TMC6: variants seen among roughly 807,000 people sequenced by gnomAD.
The protein encoded by TMC6 is transmembrane channel-like protein 6.
A neutral mutation model predicts 95.4 loss-of-function variants in TMC6; 71 were observed. The observed-to-expected ratio is 0.74, with a 90% CI of 0.61 to 0.91. The LOEUF (loss-of-function observed/expected upper bound fraction) is 0.91, where lower values mean the gene tolerates loss of function less well. Ranked by LOEUF, TMC6 falls within the 40% of genes least tolerant of loss-of-function variation. The pLI is 0.00. For missense variants in TMC6, 1,074 were observed against 1,079.1 expected (o/e 1.00, Z 0.07); for synonymous variants, 514 against 483.1 (o/e 1.06, Z -0.84).
chr17:78,117,881 T>A lies in TMC6; in HGVS notation c.1942A>T (p.Met648Leu). 1 of 1,607,284 alleles carries A rather than the reference T, an allele frequency of 6.2e-7. No individual in the cohort carries two copies. The highest frequency in any genetic ancestry group is 1.7e-5 in the Admixed American group (1 of 59,080). Residue 648 changes from methionine (M) to leucine (L), a missense_variant, in exon 16 of 20, where the codon ATG becomes TTG. Met to Leu is a conservative substitution (Grantham distance 15, BLOSUM62 2). Transcript: ENST00000590602. ...AGCAGCGTGAGGAAGACGGTGCTCA[T>A]GTGTGAGGCCAGCCAGGGCCGGCGC... ...APRRPWLASH[M>L]STVFLTLLCF...
In TMC6 at chr17:78,112,531, A is replaced by G. The variant is rs73999639; in HGVS notation, c.*617T>C. ...TCGCCTCCAAGCACAGGTGCTGGTT[A>G]CCTATGCCTGGGAGGCAACTGTCCC... On this transcript the variant is annotated 3_prime_UTR_variant, in exon 20 of 20. Coordinates refer to ENST00000590602, the MANE Select transcript of TMC6 (RefSeq NM_001127198.5). 8.9e-3 allele frequency: 1,452 copies of G among 162,344 alleles called. 26 individuals are homozygous for G. Among genetic ancestry groups the G allele is most frequent in the African/African-American group, 0.032 (1,341 of 41,652 alleles). The allele number at this position is 162,344 out of a possible 1,614,324, so 10.1% of individuals were successfully genotyped here.
At position 78,121,075 on chromosome 17, in the gene TMC6, A is replaced by T. The variant is rs761481953; in HGVS notation, c.1473T>A (p.Arg491=). 5 of 1,612,964 alleles carry T rather than the reference A, an allele frequency of 3.1e-6. No individual in the cohort carries two copies. Among genetic ancestry groups the T allele is most frequent in the African/African-American group, 1.3e-5 (1 of 74,906 alleles). ...CATGCGGCTCCAGGGCGGCCAGGACACGGCACAGGTAGGGGGCCCCCAGGT... is the reference window on the plus strand; with the variant it reads ...CATGCGGCTCCAGGGCGGCCAGGACTCGGCACAGGTAGGGGGCCCCCAGGT... The part of the protein sequence containing the change: ...LLNLGAPYLC[R]VLAALEPHDS... Residue 491 remains arginine (R), a synonymous_variant, in exon 12 of 20, where the codon CGT becomes CGA. Coordinates refer to ENST00000590602, the MANE Select transcript of TMC6 (RefSeq NM_001127198.5). The surrounding 1 kb of genome is among the most constrained non-coding windows in gnomAD (Gnocchi z 5.6).
At position 78,112,931 on chromosome 17, in the gene TMC6, C is replaced by T; in HGVS notation, c.*217G>A. ...CCAAGGGACAAGCCCATTTGCAAAA[C>T]CCCTTTAATCAGAATAAATAGAGTC... On this transcript the variant is annotated 3_prime_UTR_variant, in exon 20 of 20. Transcript: ENST00000590602. The T allele has an allele frequency of 1.7e-6, 1 of 587,322 alleles. No homozygotes were observed. The highest frequency in any genetic ancestry group is 3.0e-6 in the Non-Finnish European group (1 of 333,566). 36.4% of individuals were successfully genotyped at this position (587,322 alleles called of 1,614,324 possible). A position where few individuals can be genotyped will look rare whatever the true frequency, so the allele number is the denominator to read the frequency against.
rs1294864057 is a variant in TMC6, at chr17:78,125,259, C to G, written c.435G>C (p.Lys145Asn). 36 of 1,569,276 alleles carry G rather than the reference C, an allele frequency of 2.3e-5. No homozygotes were observed. Among genetic ancestry groups the G allele is most frequent in the Non-Finnish European group, 3.0e-5 (35 of 1,156,592 alleles). The change falls in exon 6 of 20, where the codon AAG becomes AAC. Residue 145 changes from lysine to asparagine, a missense_variant. Coordinates refer to ENST00000590602, the MANE Select transcript of TMC6 (RefSeq NM_001127198.5). ...GGAGCTCCTTCACCAGGAGGCTCTG[C>G]TTCTCTGCGAGAGGGAGAGGGAGGT... Reference protein sequence around the residue: ...LDPTALEEEEKQSLLVKELQS... With the variant: ...LDPTALEEEENQSLLVKELQS...
chr17:78,115,519 C>T (rs2074027312), intron 18 of TMC6, among the ~76,000 whole-genome samples: 1 of 152,148 alleles, frequency 6.6e-6, no homozygotes, highest in South Asian at 2.1e-4. Flanking sequence ...GGGGAGGGGC[C>T]TCGGGGAGGA....
Position 78,109,662 on chromosome 17 carries a change from A to G in TMC6, c.*3486T>C. On this transcript the variant is annotated 3_prime_UTR_variant, in exon 20 of 20. Coordinates refer to ENST00000590602, the MANE Select transcript of TMC6 (RefSeq NM_001127198.5). ...AGAAGCACATTTCCGAAGCCCCCCA[A>G]GCCCACGGGCGTGAGTGCATGCATG... 1 of 424,530 alleles carries G rather than the reference A, an allele frequency of 2.4e-6. No individual in the cohort carries two copies. Among genetic ancestry groups the G allele is most frequent in the Non-Finnish European group, 4.8e-6 (1 of 209,938 alleles). 26.3% of individuals were successfully genotyped at this position (424,530 alleles called of 1,614,324 possible). A position where few individuals can be genotyped will look rare whatever the true frequency, so the allele number is the denominator to read the frequency against.
At chr17:78,131,830 G>T, upstream of TMC6, 1 of 1,490,244 alleles carries the variant, frequency 6.7e-7, no homozygotes, top group Non-Finnish European at 8.9e-7. Context: ...TGCTTGGCCC[G>T]GGTGGGCAGG....
In TMC6 at chr17:78,117,867, G is replaced by T; in HGVS notation, c.1956C>A (p.Phe652Leu). ...AGGCGGGGAAGCAGAGCAGCGTGAG[G>T]AAGACGGTGCTCATGTGTGAGGCCA... is the stretch of plus-strand genomic sequence containing the variant. ...PWLASHMSTV[F>L]LTLLCFPAFL... The change falls in exon 16 of 20, where the codon TTC becomes TTA. Residue 652 changes from phenylalanine (F) to leucine (L), a missense_variant. Phe to Leu is a conservative substitution (Grantham distance 22). Coordinates refer to ENST00000590602, the MANE Select transcript of TMC6 (RefSeq NM_001127198.5). 1 of 1,607,904 alleles carries T rather than the reference G, an allele frequency of 6.2e-7. No homozygotes were observed. The highest frequency in any genetic ancestry group is 8.5e-7 in the Non-Finnish European group (1 of 1,177,546).
intron 18 of TMC6, among the ~76,000 whole-genome samples, chr17:78,115,646 G>A (rs1055597324): frequency 4.0e-5 from 6 of 149,350 alleles, no homozygotes; most frequent in African/African-American, 1.5e-4. Flanking sequence ...AGGGGCGAAG[G>A]GAGTGGGCAC....
rs866601573 is a variant in TMC6 at position 78,125,354 on chromosome 17, C to T, written c.431-91G>A. The T allele has an allele frequency of 6.5e-5, 77 of 1,176,540 alleles. 1 individual carries two copies. In the Middle Eastern group the frequency reaches 7.7e-4, roughly 12 times the overall value. The allele number at this position is 1,176,540 out of a possible 1,614,324, so 72.9% of individuals were successfully genotyped here. A position where few individuals can be genotyped will look rare whatever the true frequency, so the allele number is the denominator to read the frequency against. On this transcript the variant is annotated intron_variant, in intron 5 of 19. Transcript: ENST00000590602. ...CCCTGGTCAGGCCTGTGTGTCCCTGCGGCACCGTCCCGAGACACCTCGGTG... is the reference window on the plus strand; with the variant it reads ...CCCTGGTCAGGCCTGTGTGTCCCTGTGGCACCGTCCCGAGACACCTCGGTG...
In TMC6 at chr17:78,113,079, A is replaced by G; in HGVS notation, c.*69T>C. 5.3e-6 allele frequency: 8 copies of G among 1,496,296 alleles called. No individual in the cohort carries two copies. The highest frequency in any genetic ancestry group is 7.3e-6 in the Non-Finnish European group (8 of 1,097,716). 92.7% of individuals were successfully genotyped at this position (1,496,296 alleles called of 1,614,324 possible). On this transcript the variant is annotated 3_prime_UTR_variant, in exon 20 of 20. Coordinates refer to ENST00000590602, the MANE Select transcript of TMC6 (RefSeq NM_001127198.5). ...GTCTTCCTTGTCCTGGTGTCCCAGC[A>G]GGGTCACTGGGAGGCAACAGTGTGG...
At position 78,108,512 on chromosome 17, in the gene TMC6, T is replaced by C. The variant is rs1426931124; in HGVS notation, c.*4636A>G. 6.5e-6 allele frequency: 1 copy of C among 154,862 alleles called. No homozygotes were observed. The highest frequency in any genetic ancestry group is 1.5e-5 in the Non-Finnish European group (1 of 68,244). 9.6% of individuals were successfully genotyped at this position (154,862 alleles called of 1,614,324 possible). ...GCAAACTGTACCCGTGCCTGTGCGC[T>C]GGGAGAACAAGGTCAGCGCCCAAGG... On this transcript the variant is annotated 3_prime_UTR_variant, in exon 20 of 20. Coordinates refer to ENST00000590602, the MANE Select transcript of TMC6 (RefSeq NM_001127198.5).
At position 78,121,732 on chromosome 17, in the gene TMC6, C is replaced by T; in HGVS notation, c.1228-21G>A. 1 of 1,562,540 alleles carries T rather than the reference C, an allele frequency of 6.4e-7. No homozygotes were observed. Among genetic ancestry groups the T allele is most frequent in the Non-Finnish European group, 8.6e-7 (1 of 1,158,290 alleles). ...AGCTCCTGCAGGCGGCACCGTGTCC[C>T]CGTCACCCACACCAGAGCACGGGCA... On this transcript the variant is annotated intron_variant, in intron 10 of 19. Coordinates refer to ENST00000590602, the MANE Select transcript of TMC6 (RefSeq NM_001127198.5). The surrounding 1 kb of genome is among the most constrained non-coding windows in gnomAD (Gnocchi z 5.6).
In TMC6 at chr17:78,122,561, G is replaced by T. The variant is rs1025421526; in HGVS notation, c.1227+44C>A. Reference sequence around the variant, plus strand: ...CCTAAGTGGACCCAGGGCCAGGCCTGCAGGGAGCTGGGCAGGCCAGCTTGG... The same window carrying T: ...CCTAAGTGGACCCAGGGCCAGGCCTTCAGGGAGCTGGGCAGGCCAGCTTGG... On this transcript the variant is annotated intron_variant, in intron 10 of 19. Coordinates refer to ENST00000590602, the MANE Select transcript of TMC6 (RefSeq NM_001127198.5). This position sits in a 1 kb window ranked among gnomAD's most constrained non-coding sequence, Gnocchi z 4.9. 1.6e-5 allele frequency: 25 copies of T among 1,602,306 alleles called. No individual in the cohort carries two copies. The highest frequency in any genetic ancestry group is 2.1e-5 in the Non-Finnish European group (25 of 1,179,500).
chr17:78,123,120 A>C, intron 9 of TMC6: 2 of 360,102 alleles, frequency 5.6e-6, no homozygotes, highest in South Asian at 2.3e-5. Flanking sequence ...CTCTTATCTA[A>C]CCTTCCCCTC....
Position 78,124,368 on chromosome 17 carries a change from G to T in TMC6, c.891+156C>A, listed in dbSNP as rs1365605569. 1.5e-5 allele frequency: 21 copies of T among 1,369,210 alleles called. No homozygotes were observed. The Admixed American group carries it at 1.8e-4, about 12-fold the overall frequency. The allele number at this position is 1,369,210 out of a possible 1,614,324, so 84.8% of individuals were successfully genotyped here. Reference sequence around the variant, plus strand: ...AACCCCAGCACGATGAGCATCCAGGGTCATTGAGGGGGAGGCGGGGAGCTG... The same window carrying T: ...AACCCCAGCACGATGAGCATCCAGGTTCATTGAGGGGGAGGCGGGGAGCTG... On this transcript the variant is annotated intron_variant, in intron 8 of 19. Coordinates refer to ENST00000590602, the MANE Select transcript of TMC6 (RefSeq NM_001127198.5).
chr17:78,116,126 G>C (rs990052126), intron 18 of TMC6, among the ~76,000 whole-genome samples: 1 of 151,718 alleles, frequency 6.6e-6, no homozygotes, highest in Non-Finnish European at 1.5e-5. Context: ...ACAGGTGGAC[G>C]CCACCACGCC....
upstream of TMC6, chr17:78,131,774 G>GGT: frequency 6.4e-7 from 1 of 1,559,700 alleles, no homozygotes. Flanking sequence ...TGCGTGGGGG[G>GGT]GGTGCTGCGA....
At position 78,110,909 on chromosome 17, in the gene TMC6, C is replaced by G. The variant is rs778707710; in HGVS notation, c.*2239G>C. On this transcript the variant is annotated 3_prime_UTR_variant, in exon 20 of 20. Transcript: ENST00000590602. ...CTGCTCTGAAGAAATACGGGAGGTC[C>G]TCACTGGAGGGTCTGGGGCCACACG... The G allele has an allele frequency of 6.6e-6, 1 of 151,990 alleles. No individual in the cohort carries two copies. Among genetic ancestry groups the G allele is most frequent in the Admixed American group, 6.6e-5 (1 of 15,264 alleles). 9.4% of individuals were successfully genotyped at this position (151,990 alleles called of 1,614,324 possible).
Sources: allele counts gnomAD v4.1 joint callset (sites outside exome capture counted in the v4.1 genomes callset), GRCh38; gene constraint gnomAD v4.1.1; non-coding constraint Gnocchi (gnomAD v3.1); transcripts MANE v1.5; gene names NCBI Gene and HGNC (gene_info 2026-07-23, HGNC 2026-07-21).